Variants in PCDHA2 observed in about 807,000 individuals in gnomAD.
PCDHA2 encodes the protein protocadherin alpha-2.
Under a neutral mutation model 66.0 loss-of-function variants are expected in PCDHA2, and 58 were observed. The ratio of observed to expected loss-of-function variants is 0.88; its 90% CI spans 0.71 to 1.09. The LOEUF (loss-of-function observed/expected upper bound fraction) is 1.09, where lower values mean the gene tolerates loss of function less well. PCDHA2 is among the 50% of genes least tolerant of loss of function. The pLI, the probability that PCDHA2 is intolerant of heterozygous loss-of-function variation, is 0.00. For synonymous variants in PCDHA2, 634 were observed against 554.0 expected, an observed-to-expected ratio of 1.14 and a Z score of -2.03; for missense variants, 1,267 against 1,242.3, an observed-to-expected ratio of 1.02 and a Z score of -0.30.
intron 1 of PCDHA2, chr5:140,850,387 T>G: frequency 6.3e-7 from 1 of 1,597,588 alleles, no homozygotes. Flanking sequence ...ACGGGCGAGA[T>G]CAGCACAACG....
chr5:140,906,023 G>A (rs952070346), intron 1 of PCDHA2, among the ~76,000 whole-genome samples: 7 of 152,128 alleles, frequency 4.6e-5, no homozygotes, highest in Admixed American at 3.3e-4. Flanking sequence ...ATCTCTCCAC[G>A]TTCTTCTGTC....
chr5:141,009,356 G>A (rs535761188), intron 3 of PCDHA2, among the ~76,000 whole-genome samples: 1 of 152,204 alleles, frequency 6.6e-6, no homozygotes, highest in Admixed American at 6.5e-5. Flanking sequence ...CTACTTGGGA[G>A]GCTAAGATGG....
chr5:140,834,589 A>G (rs2150222134), intron 1 of PCDHA2: 2 of 1,614,090 alleles, frequency 1.2e-6, no homozygotes, highest in South Asian at 1.1e-5. Flanking sequence ...GCGGTGTGCA[A>G]ATTCCGTGGG....
intron 1 of PCDHA2, chr5:140,857,093 G>T (rs1554149523): frequency 6.3e-7 from 1 of 1,597,336 alleles, no homozygotes; most frequent in Admixed American, 1.7e-5. Flanking sequence ...TTCACCTGAG[G>T]TGATTGTCAC....
chr5:140,978,175 G>A (rs1163383689), intron 1 of PCDHA2, among the ~76,000 whole-genome samples: 1 of 152,170 alleles, frequency 6.6e-6, no homozygotes, highest in Admixed American at 6.5e-5. Context: ...TTTGTAGAGA[G>A]AGGGCAACAG....
At chr5:140,878,731 A>G (rs1037542413) in intron 1 of PCDHA2, among the ~76,000 whole-genome samples, 3 of 152,370 alleles carry the variant, frequency 2.0e-5, no homozygotes, top group South Asian at 4.1e-4. Flanking sequence ...TTCCAGCCTT[A>G]TATCTACTTT....
At chr5:140,857,667 G>T (rs375722457) in intron 1 of PCDHA2, 10 of 1,596,922 alleles carry the variant, frequency 6.3e-6, no homozygotes, top group East Asian at 4.5e-5. Flanking sequence ...CGCGATGGGG[G>T]CGTGCCGCCT....
Position 140,807,834 on chromosome 5 carries a change from ATGGAGGCAAACCCGAGT to A in PCDHA2, c.2388+10485_2388+10501del. The A allele has an allele frequency of 1.2e-6, 2 of 1,614,204 alleles. 1 individual carries two copies. The highest frequency in any genetic ancestry group is 4.5e-5 in the East Asian group (2 of 44,888). On this transcript the variant is annotated intron_variant, in intron 1 of 3. Coordinates refer to ENST00000526136, the MANE Select transcript of PCDHA2 (RefSeq NM_018905.3). ...ATTTTTTTAGTGCTCACAGCCACTG[ATGGAGGCAAACCCGAGT>A]TGACTGGCACCGTTCAGTTACTCAT...
intron 1 of PCDHA2, chr5:140,802,436 G>A (rs1554122134): frequency 1.2e-6 from 2 of 1,614,228 alleles, no homozygotes; most frequent in Admixed American, 1.7e-5. Flanking sequence ...ACAGCCCTCT[G>A]GACCGCGAGA....
chr5:140,823,717 G>C, intron 1 of PCDHA2: 2 of 1,613,952 alleles, frequency 1.2e-6, no homozygotes, highest in Non-Finnish European at 1.7e-6. Context: ...CCGCCTTCTG[G>C]TGCTGGTGAA....
rs782287156 is a variant in PCDHA2, at chr5:140,796,311, C to T, written c.1347C>T (p.Asn449=). The change falls in exon 1 of 4, where the codon AAC becomes AAT. Residue 449 remains asparagine, a synonymous_variant. Transcript: ENST00000526136. ...TSVSIEVADV[N]DNAPAFAQPE... is the part of the protein sequence containing the mutation. ...TGTCCATCGAGGTGGCCGACGTGAA[C>T]GACAACGCGCCGGCGTTCGCACAGC... The T allele has an allele frequency of 2.2e-5, 35 of 1,614,104 alleles. No individual in the cohort carries two copies. The highest frequency in any genetic ancestry group is 8.3e-5 in the Admixed American group (5 of 60,030).
At chr5:140,924,662 A>C (rs891233024) in intron 1 of PCDHA2, among the ~76,000 whole-genome samples, 6 of 152,166 alleles carry the variant, frequency 3.9e-5, no homozygotes, top group Non-Finnish European at 5.9e-5. Flanking sequence ...TGGGAGGCCG[A>C]GGCAGGCCAA....
intron 1 of PCDHA2, chr5:140,870,165 G>T (rs1223679164): frequency 1.2e-6 from 2 of 1,614,138 alleles, no homozygotes; most frequent in Non-Finnish European, 1.7e-6. Context: ...TGACTTCCTT[G>T]TCCCTCCCAG....
chr5:140,806,660 T>TA (rs376815629), intron 1 of PCDHA2, among the ~76,000 whole-genome samples: 145 of 151,574 alleles, frequency 9.6e-4, no homozygotes, highest in East Asian at 5.6e-3. Flanking sequence ...TTATCATTAA[T>TA]AAAAAAAAAC....
chr5:140,844,416 T>C (rs2150371030), intron 1 of PCDHA2, among the ~76,000 whole-genome samples: 3 of 149,642 alleles, frequency 2.0e-5, no homozygotes, highest in Admixed American at 6.7e-5. Context: ...TGGAGACATG[T>C]TTTTTATTCT....
At chr5:140,944,060 T>G in intron 1 of PCDHA2, among the ~76,000 whole-genome samples, 1 of 152,204 alleles carries the variant, frequency 6.6e-6, no homozygotes, top group Non-Finnish European at 1.5e-5. Flanking sequence ...ACAAAAAGGT[T>G]TCTTGTTAAA....
intron 1 of PCDHA2, chr5:140,927,596 G>T: frequency 6.2e-7 from 1 of 1,614,162 alleles, no homozygotes; most frequent in Non-Finnish European, 8.5e-7. Context: ...GTATTTGAGC[G>T]CTCCGTATAC....
intron 1 of PCDHA2, among the ~76,000 whole-genome samples, chr5:140,872,413 G>A (rs2053647330): frequency 6.6e-6 from 1 of 151,990 alleles, no homozygotes; most frequent in Admixed American, 6.6e-5. Flanking sequence ...AATTGCTTGA[G>A]CCCAAGAGTT....
intron 1 of PCDHA2, among the ~76,000 whole-genome samples, chr5:140,938,931 A>T (rs1371527205): frequency 6.6e-6 from 1 of 152,044 alleles, no homozygotes; most frequent in African/African-American, 2.4e-5. Context: ...TTGGCTTTTA[A>T]CTTTCCATTC....
Sources: gnomAD v4.1 joint callset for allele counts (sites outside exome capture counted in the v4.1 genomes callset) on GRCh38, gnomAD v4.1.1 for gene constraint, MANE v1.5 for transcripts, NCBI Gene and HGNC (gene_info 2026-07-23, HGNC 2026-07-21) for gene names.